TMEM108: variants seen among roughly 807,000 people sequenced by gnomAD.
TMEM108 encodes the protein transmembrane protein 108.
In TMEM108, 12 loss-of-function variants were observed where a neutral mutation model predicts 35.1. That is an observed-to-expected ratio of 0.34 (90% CI 0.22 to 0.55). The LOEUF is 0.55. TMEM108 is among the 20% of genes least tolerant of loss of function. The pLI, the probability that TMEM108 is intolerant of heterozygous loss-of-function variation, is 0.89. For synonymous variants in TMEM108, 287 were observed against 308.6 expected, an observed-to-expected ratio of 0.93 and a Z score of 0.73; for missense variants, 680 against 753.3, an observed-to-expected ratio of 0.90 and a Z score of 1.14.
intron 3 of TMEM108, among the ~76,000 whole-genome samples, chr3:133,236,312 A>G (rs1277966292): frequency 6.6e-6 from 1 of 152,036 alleles, no homozygotes; most frequent in Non-Finnish European, 1.5e-5. Context: ...GTAGGTCCCT[A>G]TCTTAGGAAA....
intron 3 of TMEM108, among the ~76,000 whole-genome samples, chr3:133,286,379 G>A (rs1291021539): frequency 1.3e-5 from 2 of 152,036 alleles, no homozygotes; most frequent in Non-Finnish European, 2.9e-5. Flanking sequence ...TGCTGCTCAG[G>A]CTGGTGTAGA....
intron 2 of TMEM108, among the ~76,000 whole-genome samples, chr3:133,091,141 G>A (rs1943942565): frequency 6.6e-6 from 1 of 152,098 alleles, no homozygotes; most frequent in South Asian, 2.1e-4. Context: ...CACTGTTACT[G>A]TTAAAAATAT....
chr3:133,348,387 A>G (rs908472025), intron 3 of TMEM108, among the ~76,000 whole-genome samples: 8 of 152,200 alleles, frequency 5.3e-5, no homozygotes, highest in African/African-American at 1.9e-4. Context: ...CAGTATATCA[A>G]GGTAAATTAC....
intron 3 of TMEM108, chr3:133,378,489 A>C (rs2072909013): frequency 1.0e-6 from 1 of 985,498 alleles, no homozygotes; most frequent in Non-Finnish European, 1.2e-6. Context: ...AGAGGAGCCT[A>C]GCAGGGGCTG....
chr3:133,045,124 T>C (rs1461137913), intron 1 of TMEM108, among the ~76,000 whole-genome samples: 2 of 152,036 alleles, frequency 1.3e-5, no homozygotes, highest in South Asian at 2.1e-4. Flanking sequence ...CCCGCCACCA[T>C]GCCCGGCTAA....
At chr3:133,082,979 A>G (rs1943832173) in intron 2 of TMEM108, among the ~76,000 whole-genome samples, 1 of 152,158 alleles carries the variant, frequency 6.6e-6, no homozygotes, top group African/African-American at 2.4e-5. Flanking sequence ...CAAAATACTC[A>G]TTTAATGCCC....
rs563506139 is a variant in TMEM108 at position 133,136,418 on chromosome 3, C to G, written c.-47+90398C>G. 1.2e-4 allele frequency among the ~76,000 whole-genome samples: 18 copies of G among 152,326 alleles called. No individual in the cohort carries two copies. In the South Asian group the frequency reaches 3.7e-3, roughly 32 times the overall value. ...GCAGGGCTTATGCTTCCTACCTGCT[C>G]TTTTTAGCTAGCAAGATCAGATTCT... is the stretch of plus-strand genomic sequence containing the variant. On this transcript the variant is annotated intron_variant, in intron 2 of 5. Transcript: ENST00000321871.
intron 3 of TMEM108, among the ~76,000 whole-genome samples, chr3:133,333,908 C>T (rs1197281): frequency 0.97 from 148,519 of 152,332 alleles, 72,488 homozygotes; most frequent in East Asian, 1. Flanking sequence ...TTTCAAATTA[C>T]ATTTCGTCCA....
At chr3:133,171,067 G>C (rs776919043) in intron 2 of TMEM108, among the ~76,000 whole-genome samples, 1 of 152,136 alleles carries the variant, frequency 6.6e-6, no homozygotes, top group Admixed American at 6.5e-5. Context: ...TGAGCCTGGG[G>C]TCATTGGTTC....
chr3:133,344,324 G>A (rs1271474384), intron 3 of TMEM108, among the ~76,000 whole-genome samples: 1 of 151,560 alleles, frequency 6.6e-6, no homozygotes, highest in Non-Finnish European at 1.5e-5. Flanking sequence ...TTCAAATATC[G>A]ATTGCACAGA....
At chr3:133,354,894 A>C (rs2107778882) in intron 3 of TMEM108, among the ~76,000 whole-genome samples, 1 of 152,242 alleles carries the variant, frequency 6.6e-6, no homozygotes. Context: ...AAAAAAAAAA[A>C]ACTAGCTGTA....
chr3:133,332,312 C>T (rs1319498334), intron 3 of TMEM108, among the ~76,000 whole-genome samples: 2 of 152,296 alleles, frequency 1.3e-5, no homozygotes, highest in East Asian at 3.9e-4. Flanking sequence ...GATCATGATC[C>T]AAAGTGGCTG....
intron 2 of TMEM108, among the ~76,000 whole-genome samples, chr3:133,106,175 GT>G (rs745343008): frequency 0.11 from 10,307 of 89,910 alleles, 264 homozygotes; most frequent in Admixed American, 0.17. Flanking sequence ...GAGGTTAAAG[GT>G]TTTTTTTTTT....
At chr3:133,122,344 A>G (rs1467124139) in intron 2 of TMEM108, among the ~76,000 whole-genome samples, 1 of 152,172 alleles carries the variant, frequency 6.6e-6, no homozygotes, top group Non-Finnish European at 1.5e-5. Flanking sequence ...TAAAGTATAA[A>G]CTTCATAAAC....
At chr3:133,205,962 A>C (rs1027667595) in intron 2 of TMEM108, among the ~76,000 whole-genome samples, 1 of 152,202 alleles carries the variant, frequency 6.6e-6, no homozygotes, top group South Asian at 2.1e-4. Context: ...GTGTTTTCAC[A>C]TAGTCCCATA....
intron 2 of TMEM108, among the ~76,000 whole-genome samples, chr3:133,194,691 A>G (rs1310959893): frequency 6.6e-6 from 1 of 152,098 alleles, no homozygotes; most frequent in Non-Finnish European, 1.5e-5. Flanking sequence ...GTTGGGACCA[A>G]TTTCCTTTCT....
intron 3 of TMEM108, among the ~76,000 whole-genome samples, chr3:133,241,144 G>A (rs992504881): frequency 2.0e-5 from 3 of 148,804 alleles, no homozygotes; most frequent in Non-Finnish European, 4.5e-5. Flanking sequence ...TGAAAAAAGA[G>A]TTTTTTCCAG....
chr3:133,278,826 A>G (rs1946872139), intron 3 of TMEM108, among the ~76,000 whole-genome samples: 1 of 152,222 alleles, frequency 6.6e-6, no homozygotes, highest in Admixed American at 6.5e-5. Context: ...GTAGTTCAGC[A>G]TTGACATCAC....
chr3:133,055,459 G>C (rs565985733), intron 2 of TMEM108, among the ~76,000 whole-genome samples: 2 of 152,310 alleles, frequency 1.3e-5, no homozygotes, highest in African/African-American at 4.8e-5. Flanking sequence ...CTGAAAGATG[G>C]CCAAGAGCCA....
Sources: gnomAD v4.1 joint callset for allele counts (sites outside exome capture counted in the v4.1 genomes callset) on GRCh38, gnomAD v4.1.1 for gene constraint, MANE v1.5 for transcripts, NCBI Gene and HGNC (gene_info 2026-07-23, HGNC 2026-07-21) for gene names.